Variants in PDE7B observed in about 807,000 individuals in gnomAD.
PDE7B encodes the protein phosphodiesterase 7B.
Under a neutral mutation model 56.2 loss-of-function variants are expected in PDE7B, and 29 were observed. The ratio of observed to expected loss-of-function variants is 0.52; its 90% CI spans 0.38 to 0.70. The LOEUF (loss-of-function observed/expected upper bound fraction) is 0.70, where lower values mean the gene tolerates loss of function less well. PDE7B is among the 30% of genes least tolerant of loss of function. PDE7B has a pLI of 0.00. For synonymous variants in PDE7B, 197 were observed against 196.9 expected, an observed-to-expected ratio of 1.00 and a Z score of 0.00; for missense variants, 490 against 565.0, an observed-to-expected ratio of 0.87 and a Z score of 1.35.
At chr6:135,975,756 G>T (rs868590268) in intron 2 of PDE7B, among the ~76,000 whole-genome samples, 7 of 152,258 alleles carry the variant, frequency 4.6e-5, no homozygotes, top group Middle Eastern at 3.4e-3. Flanking sequence ...TATATATTTG[G>T]CAGCTATAAA....
chr6:136,161,712 A>G (rs1324424677), intron 8 of PDE7B, among the ~76,000 whole-genome samples: 1 of 152,220 alleles, frequency 6.6e-6, no homozygotes, highest in Non-Finnish European at 1.5e-5. Flanking sequence ...TTGACCAAAA[A>G]TTCAAATAGG....
intron 2 of PDE7B, among the ~76,000 whole-genome samples, chr6:136,005,798 G>C (rs374825287): frequency 7.9e-5 from 12 of 152,252 alleles, no homozygotes; most frequent in East Asian, 1.9e-4. Flanking sequence ...TCAGTGTGGC[G>C]ATTCCTCAGG....
intron 1 of PDE7B, among the ~76,000 whole-genome samples, chr6:135,946,818 C>A (rs1020818930): frequency 1.3e-5 from 2 of 152,050 alleles, no homozygotes; most frequent in African/African-American, 4.8e-5. Flanking sequence ...TCAATATACT[C>A]ATCATACAAC....
chr6:136,050,098 T>C (rs1053091067), intron 2 of PDE7B, among the ~76,000 whole-genome samples: 3 of 152,206 alleles, frequency 2.0e-5, no homozygotes, highest in Admixed American at 2.0e-4. Flanking sequence ...GGTCTAACCC[T>C]GAAGCCGCTC....
chr6:136,179,990 C>T (rs964576213), intron 10 of PDE7B, among the ~76,000 whole-genome samples: 2 of 152,156 alleles, frequency 1.3e-5, no homozygotes, highest in Non-Finnish European at 2.9e-5. Context: ...CAAACCAGAA[C>T]CTTCTTTCTT....
At chr6:136,130,633 A>T (rs968907371) in intron 3 of PDE7B, among the ~76,000 whole-genome samples, 1 of 152,244 alleles carries the variant, frequency 6.6e-6, no homozygotes, top group Non-Finnish European at 1.5e-5. Context: ...GAAGGGGATA[A>T]AGAGCCAATC....
rs1776116181 is a variant in PDE7B at position 135,906,813 on chromosome 6, T to TTTTTTTTTTTGTTTGTTTG, written c.22-40641_22-40640insGTTTGTTTGTTTTTTTTTT. 1.2e-4 allele frequency among the ~76,000 whole-genome samples: 13 copies of TTTTTTTTTTTGTTTGTTTG among 109,350 alleles called. 1 individual carries two copies. Among genetic ancestry groups the TTTTTTTTTTTGTTTGTTTG allele is most frequent in the African/African-American group, 6.7e-4 (13 of 19,362 alleles). The allele number at this position is 109,350 out of a possible 152,430, so 71.7% of individuals were successfully genotyped here. A position where few individuals can be genotyped will look rare whatever the true frequency, so the allele number is the denominator to read the frequency against. On this transcript the variant is annotated intron_variant, in intron 1 of 12. Coordinates refer to ENST00000308191, the MANE Select transcript of PDE7B (RefSeq NM_018945.4). ...GACTCAAATGTTAATGAGGTTTGTT[T>TTTTTTTTTTTGTTTGTTTG]TTTTTTTTTTTTTTTTTTTTTTTAA...
chr6:136,018,254 CAGAG>C lies in PDE7B; in HGVS notation c.82+70734_82+70737del, dbSNP rs574014545. Among the ~76,000 whole-genome samples, 35 of 152,278 alleles carry C rather than the reference CAGAG, an allele frequency of 2.3e-4. No homozygotes were observed. In the East Asian group the frequency reaches 6.4e-3, roughly 28 times the overall value. The stretch of plus-strand genomic sequence containing the variant: ...GCAGATCACTAAATCCAAAATCAGT[CAGAG>C]AGATACAGCCCTATCCCCAGAGACC... On this transcript the variant is annotated intron_variant, in intron 2 of 12. Coordinates refer to ENST00000308191, the MANE Select transcript of PDE7B (RefSeq NM_018945.4).
chr6:135,860,275 T>C (rs572789415), intron 1 of PDE7B, among the ~76,000 whole-genome samples: 1 of 152,048 alleles, frequency 6.6e-6, no homozygotes, highest in African/African-American at 2.4e-5. Context: ...TTAATTGTTT[T>C]TATATGCTTA....
intron 2 of PDE7B, among the ~76,000 whole-genome samples, chr6:136,004,230 A>G (rs2128206409): frequency 6.6e-6 from 1 of 152,312 alleles, no homozygotes; most frequent in Admixed American, 6.5e-5. Flanking sequence ...TCTATGACAA[A>G]CCCACAGCTA....
At position 136,097,140 on chromosome 6, in the gene PDE7B, C is replaced by T. The variant is rs149006904; in HGVS notation, c.83-11591C>T. On this transcript the variant is annotated intron_variant, in intron 2 of 12. Coordinates refer to ENST00000308191, the MANE Select transcript of PDE7B (RefSeq NM_018945.4). ...TGCTAGACCCTATTCACTTCTCGCT[C>T]ATTTCCTAGGCAACTTCATGATGAC... 4.4e-4 allele frequency among the ~76,000 whole-genome samples: 67 copies of T among 152,326 alleles called. 1 individual carries two copies. The East Asian group carries it at 0.013, about 29-fold the overall frequency.
In PDE7B at chr6:135,987,175, G is replaced by A. The variant is rs113500696; in HGVS notation, c.82+39651G>A. Among the ~76,000 whole-genome samples the A allele has an allele frequency of 5.8e-3, 887 of 152,252 alleles. 4 individuals carry two copies. The highest frequency in any genetic ancestry group is 0.011 in the African/African-American group (463 of 41,540). On this transcript the variant is annotated intron_variant, in intron 2 of 12. Transcript: ENST00000308191. ...CAGGTCTTGCTGCAGTAGATGACAC[G>A]CCTTGAGGAGCAGACAATAAAGAAC...
intron 8 of PDE7B, among the ~76,000 whole-genome samples, chr6:136,158,520 T>C (rs761371841): frequency 6.6e-6 from 1 of 152,168 alleles, no homozygotes; most frequent in Non-Finnish European, 1.5e-5. Context: ...GGGCTTCCTC[T>C]CCCTCCTTCT....
intron 2 of PDE7B, among the ~76,000 whole-genome samples, chr6:136,100,565 CTGTT>C (rs1221760358): frequency 2.6e-5 from 4 of 152,206 alleles, no homozygotes; most frequent in South Asian, 4.1e-4. Flanking sequence ...ATTTAGTTCT[CTGTT>C]TGTCTGTTAG....
intron 2 of PDE7B, among the ~76,000 whole-genome samples, chr6:135,964,746 G>C (rs2128201955): frequency 6.6e-6 from 1 of 152,296 alleles, no homozygotes; most frequent in African/African-American, 2.4e-5. Flanking sequence ...AAACAGTAGT[G>C]AATAAAACAG....
At chr6:136,027,919 G>A (rs1028180202) in intron 2 of PDE7B, among the ~76,000 whole-genome samples, 4 of 152,186 alleles carry the variant, frequency 2.6e-5, no homozygotes, top group Non-Finnish European at 4.4e-5. Context: ...ACCACGCCCA[G>A]CCTGTCATTT....
At chr6:135,909,264 G>A (rs1776169470) in intron 1 of PDE7B, among the ~76,000 whole-genome samples, 1 of 152,142 alleles carries the variant, frequency 6.6e-6, no homozygotes. Flanking sequence ...GAGGTGTGGT[G>A]CTGTCATATC....
chr6:136,131,302 T>TCC (rs1778112575), intron 3 of PDE7B, among the ~76,000 whole-genome samples: 3 of 152,124 alleles, frequency 2.0e-5, no homozygotes, highest in Non-Finnish European at 4.4e-5. Flanking sequence ...ACATATGTGT[T>TCC]TTCTAGAGGG....
At chr6:136,185,760 G>A (rs1024937087) in intron 11 of PDE7B, among the ~76,000 whole-genome samples, 3 of 152,010 alleles carry the variant, frequency 2.0e-5, no homozygotes, top group African/African-American at 7.2e-5. Context: ...GTAAGAGCCT[G>A]CCTCTTACAA....
Sources: gnomAD v4.1 joint callset for allele counts (sites outside exome capture counted in the v4.1 genomes callset) on GRCh38, gnomAD v4.1.1 for gene constraint, MANE v1.5 for transcripts, NCBI Gene and HGNC (gene_info 2026-07-23, HGNC 2026-07-21) for gene names.